SPATA17: variants seen among roughly 807,000 people sequenced by gnomAD.
SPATA17 encodes the protein spermatogenesis-associated protein 17.
In SPATA17, 53 loss-of-function variants were observed where a neutral mutation model predicts 62.2. The observed-to-expected ratio is 0.85, with a 90% CI of 0.68 to 1.07. The LOEUF is 1.07. SPATA17 is among the 50% of genes least tolerant of loss of function. The pLI, the probability that SPATA17 is intolerant of heterozygous loss-of-function variation, is 0.00. For missense variants in SPATA17, 466 were observed against 425.5 expected, an observed-to-expected ratio of 1.10 and a Z score of -0.84; for synonymous variants, 146 against 146.8, an observed-to-expected ratio of 0.99 and a Z score of 0.04.
At chr1:217,638,441 A>G (rs1279070290) in intron 1 of SPATA17, among the ~76,000 whole-genome samples, 1 of 152,178 alleles carries the variant, frequency 6.6e-6, no homozygotes, top group African/African-American at 2.4e-5. Flanking sequence ...AATTCTGTCT[A>G]TTTACCATGC....
Position 217,825,401 on chromosome 1 carries a change from T to C in SPATA17, c.1005+23551T>C, listed in dbSNP as rs1674968886. Reference sequence around the variant, plus strand: ...GCCATGTCATTTTTTTGTTTTGTTTTTATAAAAACTTTTTATACAGAACAC... The same window carrying C: ...GCCATGTCATTTTTTTGTTTTGTTTCTATAAAAACTTTTTATACAGAACAC... On this transcript the variant is annotated intron_variant, in intron 9 of 10. Transcript: ENST00000366933. 2.0e-5 allele frequency among the ~76,000 whole-genome samples: 3 copies of C among 151,964 alleles called. No individual in the cohort carries two copies. The East Asian group carries it at 5.8e-4, about 29-fold the overall frequency.
At chr1:217,818,485 T>G (rs1674776843) in intron 9 of SPATA17, among the ~76,000 whole-genome samples, 1 of 152,046 alleles carries the variant, frequency 6.6e-6, no homozygotes, top group Admixed American at 6.6e-5. Flanking sequence ...AACCTGTACA[T>G]GTTACTGTAC....
chr1:217,678,820 T>C (rs1387477262), intron 4 of SPATA17, among the ~76,000 whole-genome samples: 6 of 152,224 alleles, frequency 3.9e-5, no homozygotes, highest in Non-Finnish European at 8.8e-5. Context: ...TTGTTTAAAA[T>C]TATCTATTCA....
rs192372698 is a variant in SPATA17 at position 217,632,649 on chromosome 1, T to G, written c.68+1203T>G. On this transcript the variant is annotated intron_variant, in intron 1 of 10. Transcript: ENST00000366933. ...GTGTCTCTTATTTTGCTCACCATTA[T>G]TTTTGTCTCCAACGTCTATGATAGC... Among the ~76,000 whole-genome samples the G allele has an allele frequency of 5.3e-5, 8 of 152,350 alleles. No homozygotes were observed. In the East Asian group the frequency reaches 1.5e-3, roughly 29 times the overall value.
At chr1:217,842,504 A>C (rs1014930415) in intron 9 of SPATA17, among the ~76,000 whole-genome samples, 1 of 151,638 alleles carries the variant, frequency 6.6e-6, no homozygotes, top group African/African-American at 2.4e-5. Context: ...TCTATTTCTT[A>C]TTTTGTTTGT....
At position 217,782,236 on chromosome 1, in the gene SPATA17, G is replaced by C; in HGVS notation, c.786G>C (p.Leu262Phe). ...EQRYRPLEPT[L>F]RVAEPIDELK... ...GCTACAGGCCTTTGGAGCCAACGTT[G>C]CGGGTGGCAGAACCAATCGATGAGT... The change falls in exon 8 of 11, where the codon TTG becomes TTC. Residue 262 changes from leucine to phenylalanine, a missense_variant. Coordinates refer to ENST00000366933, the MANE Select transcript of SPATA17 (RefSeq NM_138796.4). The C allele has an allele frequency of 6.2e-7, 1 of 1,612,786 alleles. No homozygotes were observed. The highest frequency in any genetic ancestry group is 8.5e-7 in the Non-Finnish European group (1 of 1,179,238).
At chr1:217,817,173 T>C (rs1558062975) in intron 9 of SPATA17, among the ~76,000 whole-genome samples, 1 of 152,114 alleles carries the variant, frequency 6.6e-6, no homozygotes, top group Non-Finnish European at 1.5e-5. Context: ...CTCTCATTTC[T>C]CCCAGTTTTC....
chr1:217,785,898 C>A (rs966199876), intron 8 of SPATA17, among the ~76,000 whole-genome samples: 6 of 152,062 alleles, frequency 3.9e-5, no homozygotes, highest in South Asian at 2.1e-4. Flanking sequence ...CATTTTAAAG[C>A]TTTCTTTGTT....
In SPATA17 at chr1:217,867,335, A is replaced by G. The variant is rs538767333; in HGVS notation, c.*316A>G. On this transcript the variant is annotated 3_prime_UTR_variant, in exon 11 of 11. Coordinates refer to ENST00000366933, the MANE Select transcript of SPATA17 (RefSeq NM_138796.4). The stretch of plus-strand genomic sequence containing the variant: ...TTCTGACCCCATCACCCGGGTCACA[A>G]ATGATGACACCAGTGCTGGGTACCC... 6.6e-6 allele frequency: 1 copy of G among 152,284 alleles called. No individual in the cohort carries two copies. The highest frequency in any genetic ancestry group is 1.5e-5 in the Non-Finnish European group (1 of 68,038). The allele number at this position is 152,284 out of a possible 1,614,324, so 9.4% of individuals were successfully genotyped here.
At chr1:217,837,589 C>G (rs1222079573) in intron 9 of SPATA17, among the ~76,000 whole-genome samples, 1 of 151,864 alleles carries the variant, frequency 6.6e-6, no homozygotes, top group African/African-American at 2.4e-5. Context: ...TTTGTTTAAC[C>G]ATTACAGCTT....
chr1:217,635,231 C>T (rs1213912033), intron 1 of SPATA17, among the ~76,000 whole-genome samples: 1 of 152,068 alleles, frequency 6.6e-6, no homozygotes, highest in African/African-American at 2.4e-5. Context: ...TTTATTTTGC[C>T]AAGGTTAAGG....
At chr1:217,808,746 T>A (rs1446677776) in intron 9 of SPATA17, among the ~76,000 whole-genome samples, 3 of 151,882 alleles carry the variant, frequency 2.0e-5, no homozygotes, top group Non-Finnish European at 4.4e-5. Context: ...CCCCAGCTAC[T>A]TGGGAGGCTG....
At chr1:217,650,062 C>T (rs981198707) in intron 2 of SPATA17, among the ~76,000 whole-genome samples, 11 of 151,672 alleles carry the variant, frequency 7.3e-5, no homozygotes, top group African/African-American at 2.7e-4. Context: ...GCCTCAGCCT[C>T]TCGGGTAGCT....
intron 9 of SPATA17, among the ~76,000 whole-genome samples, chr1:217,845,972 T>A (rs1022142723): frequency 3.3e-5 from 5 of 152,122 alleles, no homozygotes; most frequent in Non-Finnish European, 7.4e-5. Flanking sequence ...ATATAAGATT[T>A]CTTGGAAGAG....
intron 8 of SPATA17, among the ~76,000 whole-genome samples, chr1:217,784,667 A>G (rs563863184): frequency 2.0e-5 from 3 of 152,294 alleles, no homozygotes; most frequent in Admixed American, 6.5e-5. Context: ...GGGTCTTAAT[A>G]AAAGAGAATT....
intron 9 of SPATA17, among the ~76,000 whole-genome samples, chr1:217,815,090 G>C (rs1006405462): frequency 6.6e-6 from 1 of 152,024 alleles, no homozygotes; most frequent in African/African-American, 2.4e-5. Context: ...GTGAATTGTG[G>C]CCTCCAAACC....
At chr1:217,708,220 G>A (rs772634717) in intron 5 of SPATA17, among the ~76,000 whole-genome samples, 1 of 151,976 alleles carries the variant, frequency 6.6e-6, no homozygotes, top group Non-Finnish European at 1.5e-5. Context: ...CTGAAATGAA[G>A]GAAGTTGAAA....
rs371543567 is a variant in SPATA17 at position 217,649,962 on chromosome 1, G to A, written c.158+991G>A. Among the ~76,000 whole-genome samples, 36 of 136,294 alleles carry A rather than the reference G, an allele frequency of 2.6e-4. No individual in the cohort carries two copies. The East Asian group carries it at 5.5e-3, about 21-fold the overall frequency. 89.4% of individuals were successfully genotyped at this position (136,294 alleles called of 152,430 possible). A position where few individuals can be genotyped will look rare whatever the true frequency, so the allele number is the denominator to read the frequency against. ...TTTTTTTTTTTTTTTTTTCTGAAACGGAGTTTTGCTCTTGTTGTCCAGGCT... is the reference window on the plus strand; with the variant it reads ...TTTTTTTTTTTTTTTTTTCTGAAACAGAGTTTTGCTCTTGTTGTCCAGGCT... On this transcript the variant is annotated intron_variant, in intron 2 of 10. Coordinates refer to ENST00000366933, the MANE Select transcript of SPATA17 (RefSeq NM_138796.4).
At chr1:217,754,192 G>A (rs762082965) in intron 6 of SPATA17, among the ~76,000 whole-genome samples, 6 of 151,972 alleles carry the variant, frequency 3.9e-5, no homozygotes, top group East Asian at 1.9e-4. Context: ...CCATGATCGC[G>A]CCACTGTACT....
Sources: allele counts gnomAD v4.1 joint callset (sites outside exome capture counted in the v4.1 genomes callset), GRCh38; gene constraint gnomAD v4.1.1; transcripts MANE v1.5; gene names NCBI Gene and HGNC (gene_info 2026-07-23, HGNC 2026-07-21).